The following MYPN variants were observed in gnomAD, a reference collection of about 807,000 sequenced individuals.
The protein encoded by MYPN is sarcomeric protein myopalladin, 145 kDa (MYOP).
MYPN carries 63 observed loss-of-function variants against 129.4 expected under a neutral mutation model. The ratio of observed to expected loss-of-function variants is 0.49; its 90% CI spans 0.40 to 0.60. The LOEUF (loss-of-function observed/expected upper bound fraction) is 0.60. Ranked by LOEUF, MYPN falls within the 20% of genes least tolerant of loss-of-function variation. The probability of loss-of-function intolerance (pLI) is 0.00; values close to 1 mark genes in which losing one functional copy is unlikely to be tolerated. For synonymous variants in MYPN, 629 were observed against 600.9 expected (o/e 1.05, Z -0.68); for missense variants, 1,596 against 1,635.4 (o/e 0.98, Z 0.42).
chr10:68,134,657 T>A (rs1056172365), intron 2 of MYPN, among the ~76,000 whole-genome samples: 1 of 152,076 alleles, frequency 6.6e-6, no homozygotes, highest in Non-Finnish European at 1.5e-5. Flanking sequence ...TAGCTGGGCA[T>A]GTTGGTGTGC....
intron 13 of MYPN, among the ~76,000 whole-genome samples, chr10:68,190,039 T>G (rs1008283306): frequency 2.8e-4 from 43 of 152,176 alleles, no homozygotes; most frequent in African/African-American, 9.7e-4. Context: ...CATTTTTTTT[T>G]GTCTTTTTGG....
Position 68,175,462 on chromosome 10 carries a change from G to T in MYPN, c.2703+1G>T. 1 of 1,614,010 alleles carries T rather than the reference G, an allele frequency of 6.2e-7. No individual in the cohort carries two copies. Among genetic ancestry groups the T allele is most frequent in the Non-Finnish European group, 8.5e-7 (1 of 1,179,876 alleles). ...CAGTGATGTCAGACCAAACCAGCAG[G>T]TAAGATTGTTGGATTTAGAAGGTTT... On this transcript the variant is annotated splice_donor_variant, in intron 12 of 19. Transcript: ENST00000358913. LOFTEE classifies it high-confidence loss of function.
chr10:68,109,755 T>C (rs1257403376), intron 1 of MYPN, 32 bp downstream of exon 1: 1 of 447,832 alleles, frequency 2.2e-6, no homozygotes, highest in Non-Finnish European at 4.5e-6. Flanking sequence ...ACAAGTGTGT[T>C]TTGATAACAG....
Position 68,148,471 on chromosome 10 carries a change from C to T in MYPN, c.1245+4C>T, listed in dbSNP as rs769773547. On this transcript the variant is annotated splice_donor_region_variant and intron_variant, in intron 5 of 19. Transcript: ENST00000358913. ...TCGTGTGGCAACCATCCAGCAGGTA[C>T]AAGAATCCAAGCGAAACACAAGTGC... The T allele has an allele frequency of 6.2e-7, 1 of 1,609,718 alleles. No individual in the cohort carries two copies. The highest frequency in any genetic ancestry group is 8.5e-7 in the Non-Finnish European group (1 of 1,176,162).
At chr10:68,129,588 G>A (rs943339998) in intron 2 of MYPN, among the ~76,000 whole-genome samples, 30 of 152,260 alleles carry the variant, frequency 2.0e-4, no homozygotes, top group African/African-American at 6.3e-4. Flanking sequence ...GAATGAGTGC[G>A]TTGGGCATAA....
Position 68,175,329 on chromosome 10 carries a change from C to T in MYPN, c.2571C>T (p.Ser857=). ...GLPRSAPSMP[S]QGLAKKNTKS... ...GTGTGGATTTATCTTACAGGCCATCCCAGGGATTAGCGAAGAAAAATACAA... is the reference window on the plus strand; with the variant it reads ...GTGTGGATTTATCTTACAGGCCATCTCAGGGATTAGCGAAGAAAAATACAA... The change falls in exon 12 of 20, where the codon TCC becomes TCT. Residue 857 remains serine, a synonymous_variant. Transcript: ENST00000358913. The T allele has an allele frequency of 6.2e-7, 1 of 1,613,784 alleles. No individual in the cohort carries two copies. Among genetic ancestry groups the T allele is most frequent in the Non-Finnish European group, 8.5e-7 (1 of 1,179,916 alleles).
Position 68,197,342 on chromosome 10 carries a change from G to C in MYPN, c.3159-10G>C, listed in dbSNP as rs1304241798. On this transcript the variant is annotated splice_polypyrimidine_tract_variant and intron_variant, in intron 15 of 19. Transcript: ENST00000358913. ...CTATGTTTAATATCTGAACATGCTT[G>C]TTGTTATAGGGGAAGATCCCGAGTG... 6.2e-7 allele frequency: 1 copy of C among 1,612,258 alleles called. No individual in the cohort carries two copies. Among genetic ancestry groups the C allele is most frequent in the African/African-American group, 1.3e-5 (1 of 74,784 alleles).
chr10:68,206,955 A>G, intron 19 of MYPN, 52 bp downstream of exon 19: 1 of 1,610,076 alleles, frequency 6.2e-7, no homozygotes, highest in African/African-American at 1.3e-5. Flanking sequence ...CAGCTTAAAA[A>G]TATTTTTTTA....
chr10:68,169,517 T>C (rs1426903222), intron 10 of MYPN, among the ~76,000 whole-genome samples: 1 of 152,114 alleles, frequency 6.6e-6, no homozygotes, highest in Non-Finnish European at 1.5e-5. Flanking sequence ...GTTTAAATAC[T>C]TGAGGGTTTA....
chr10:68,191,528 A>G lies in MYPN; in HGVS notation c.2925+2402A>G, dbSNP rs906502989. On this transcript the variant is annotated intron_variant, in intron 13 of 19. Transcript: ENST00000358913. ...CCACCACACCCAGCCTGTTTTTTCTATTTCTGCAAAGGATGTCATTGTTGT... is the reference window on the plus strand; with the variant it reads ...CCACCACACCCAGCCTGTTTTTTCTGTTTCTGCAAAGGATGTCATTGTTGT... Among the ~76,000 whole-genome samples, 8 of 152,152 alleles carry G rather than the reference A, an allele frequency of 5.3e-5. 1 individual carries two copies. Among genetic ancestry groups the G allele is most frequent in the Admixed American group, 3.9e-4 (6 of 15,276 alleles).
At chr10:68,109,201 A>T (rs2042048018), upstream of MYPN, 1 of 173,666 alleles carries the variant, frequency 5.8e-6, no homozygotes, top group Non-Finnish European at 1.2e-5. Flanking sequence ...AAAATTAAAG[A>T]TCTTAAAAAT....
intron 2 of MYPN, chr10:68,136,575 TG>T (rs2042490416): frequency 6.7e-7 from 1 of 1,482,452 alleles, no homozygotes; most frequent in African/African-American, 1.4e-5. Context: ...AAAGTCAGAG[TG>T]ACGGTTACCG....
chr10:68,150,851 C>T (rs2042757234), intron 6 of MYPN, among the ~76,000 whole-genome samples: 1 of 152,174 alleles, frequency 6.6e-6, no homozygotes, highest in African/African-American at 2.4e-5. Flanking sequence ...ACCAAATAGG[C>T]AACATCTATG....
intron 2 of MYPN, among the ~76,000 whole-genome samples, chr10:68,142,533 G>A (rs1021449920): frequency 1.3e-5 from 2 of 152,140 alleles, no homozygotes; most frequent in Admixed American, 1.3e-4. Context: ...AGAAAGAAAC[G>A]AGTGTCCTCA....
intron 16 of MYPN, among the ~76,000 whole-genome samples, chr10:68,198,129 CT>C (rs2043642143): frequency 6.6e-6 from 1 of 152,108 alleles, no homozygotes; most frequent in Admixed American, 6.5e-5. Context: ...GCATCTAAGC[CT>C]TTTAAGAATT....
chr10:68,142,986 A>G lies in MYPN; in HGVS notation c.949A>G (p.Ile317Val), dbSNP rs774812480. 9 of 1,614,048 alleles carry G rather than the reference A, an allele frequency of 5.6e-6. No individual in the cohort carries two copies. The highest frequency in any genetic ancestry group is 2.7e-5 in the African/African-American group (2 of 74,932). The change falls in exon 3 of 20, where the codon ATC becomes GTC. Residue 317 changes from isoleucine to valine, a missense_variant. Transcript: ENST00000358913. ...KELENSPDIH[I>V]VQAGNLHSLT... ...GCTTGAAAATTCCCCAGATATTCAC[A>G]TCGTCCAGGCAGGAAATCTGCACTC...
intron 3 of MYPN, among the ~76,000 whole-genome samples, chr10:68,144,668 A>C (rs981009858): frequency 6.6e-6 from 1 of 151,972 alleles, no homozygotes; most frequent in Non-Finnish European, 1.5e-5. Context: ...TGACAAAAAG[A>C]TTTTAAACAC....
chr10:68,174,472 C>G lies in MYPN; in HGVS notation c.2380C>G (p.Pro794Ala). The change falls in exon 11 of 20, where the codon CCA becomes GCA. Residue 794 changes from proline to alanine, a missense_variant. Transcript: ENST00000358913. ...CCCACCAGGCCCAACAGAACCAACA[C>G]CACCACCATTCACATTTTCCATCCC... is the stretch of plus-strand genomic sequence containing the variant. ...PLPPGPTEPT[P>A]PPFTFSIPSG... The G allele has an allele frequency of 1.2e-6, 2 of 1,613,984 alleles. No homozygotes were observed. The highest frequency in any genetic ancestry group is 1.7e-6 in the Non-Finnish European group (2 of 1,179,904).
intron 2 of MYPN, among the ~76,000 whole-genome samples, chr10:68,135,902 A>T (rs1179270389): frequency 1.3e-5 from 2 of 152,152 alleles, no homozygotes; most frequent in Non-Finnish European, 2.9e-5. Flanking sequence ...GGTTCTGGAA[A>T]GGAAAAGAAC....
Sources: allele counts gnomAD v4.1 joint callset (sites outside exome capture counted in the v4.1 genomes callset), GRCh38; gene constraint gnomAD v4.1.1; transcripts MANE v1.5; gene names NCBI Gene and HGNC (gene_info 2026-07-23, HGNC 2026-07-21).